C14orf93: variants seen among roughly 807,000 people sequenced by gnomAD.
C14orf93 encodes the protein chromosome 14 open reading frame 93.
C14orf93 carries 23 observed loss-of-function variants against 44.0 expected under a neutral mutation model. That is an observed-to-expected ratio of 0.52 (90% CI 0.38 to 0.74). The LOEUF is 0.74. C14orf93 is among the 30% of genes least tolerant of loss of function. The pLI is 0.00. For missense variants in C14orf93, 579 were observed against 678.9 expected, an observed-to-expected ratio of 0.85 and a Z score of 1.64; for synonymous variants, 253 against 265.7, an observed-to-expected ratio of 0.95 and a Z score of 0.46.
chr14:22,992,951 C>G (rs529368983), intron 3 of C14orf93, among the ~76,000 whole-genome samples: 1 of 152,152 alleles, frequency 6.6e-6, no homozygotes, highest in Non-Finnish European at 1.5e-5. Flanking sequence ...GTGGTCTCAG[C>G]TCACTGCAAC....
chr14:23,009,991 A>T (rs534533882), intron 1 of C14orf93, 110 bp downstream of exon 1: 1 of 152,290 alleles, frequency 6.6e-6, no homozygotes, highest in Admixed American at 6.5e-5. Flanking sequence ...GAAAGAGCAA[A>T]TTCCCCTTAG....
intron 3 of C14orf93, among the ~76,000 whole-genome samples, chr14:22,995,679 CAAAAAAAAAAAA>C (rs58710730): frequency 2.2e-5 from 1 of 45,048 alleles, no homozygotes; most frequent in Non-Finnish European, 4.7e-5. Context: ...GACTCTGACT[CAAAAAAAAAAAA>C]AAAAAAAAAA....
In C14orf93 at chr14:22,996,379, C is replaced by G; in HGVS notation, c.598-111G>C. On this transcript the variant is annotated intron_variant, in intron 2 of 6. Coordinates refer to ENST00000299088, the MANE Select transcript of C14orf93 (RefSeq NM_021944.4). This position sits in a 1 kb window ranked among gnomAD's most constrained non-coding sequence, Gnocchi z 4.1. ...ACAGAAAGTGGAAAGAAGGGGAACTCTAGCACAGTCTTTAATGGTCAATGG... is the reference window on the plus strand; with the variant it reads ...ACAGAAAGTGGAAAGAAGGGGAACTGTAGCACAGTCTTTAATGGTCAATGG... 2.8e-6 allele frequency: 3 copies of G among 1,071,648 alleles called. No homozygotes were observed. The highest frequency in any genetic ancestry group is 3.9e-6 in the Non-Finnish European group (3 of 762,988). The allele number at this position is 1,071,648 out of a possible 1,614,324, so 66.4% of individuals were successfully genotyped here. A position where few individuals can be genotyped will look rare whatever the true frequency, so the allele number is the denominator to read the frequency against.
At position 22,987,787 on chromosome 14, in the gene C14orf93, T is replaced by TATC. The variant is rs148794974; in HGVS notation, c.1197+113_1197+115dup. 1,805 of 1,215,488 alleles carry TATC rather than the reference T, an allele frequency of 1.5e-3. 26 individuals carry two copies. In the African/African-American group the frequency reaches 0.025, roughly 17 times the overall value. The allele number at this position is 1,215,488 out of a possible 1,614,324, so 75.3% of individuals were successfully genotyped here. On this transcript the variant is annotated intron_variant, in intron 6 of 6. Coordinates refer to ENST00000299088, the MANE Select transcript of C14orf93 (RefSeq NM_021944.4). The surrounding 1 kb of genome is among the most constrained non-coding windows in gnomAD (Gnocchi z 5.6). ...TTAGCATTGGCTCACTGTTCTTCTC[T>TATC]ATCTTCCTACATTCCTGGCTCTCAA... is the stretch of plus-strand genomic sequence containing the variant.
chr14:22,987,209 T>C lies in C14orf93; in HGVS notation c.*6A>G. 2 of 1,605,830 alleles carry C rather than the reference T, an allele frequency of 1.2e-6. No homozygotes were observed. The highest frequency in any genetic ancestry group is 1.7e-6 in the Non-Finnish European group (2 of 1,174,742). The stretch of plus-strand genomic sequence containing the variant: ...CGGAAGCCAGAGTTATTCTTGGCTG[T>C]AGATTTTATTCATCCTTTTCCACCT... On this transcript the variant is annotated 3_prime_UTR_variant, in exon 7 of 7. Transcript: ENST00000299088. The surrounding 1 kb of genome is among the most constrained non-coding windows in gnomAD (Gnocchi z 5.6).
chr14:23,003,392 C>T (rs1050404269), intron 1 of C14orf93, among the ~76,000 whole-genome samples: 5 of 152,206 alleles, frequency 3.3e-5, no homozygotes, highest in African/African-American at 9.6e-5. Context: ...AGGTAATAAA[C>T]GAGTATTTCA....
chr14:22,987,468 A>G lies in C14orf93; in HGVS notation c.1364T>C (p.Leu455Pro). Residue 455 changes from leucine to proline, a missense_variant, in exon 7 of 7, where the codon CTC becomes CCC. By Grantham distance (98) the Leu-to-Pro change is moderately conservative. Coordinates refer to ENST00000299088, the MANE Select transcript of C14orf93 (RefSeq NM_021944.4). The surrounding 1 kb of genome is among the most constrained non-coding windows in gnomAD (Gnocchi z 5.6). Reference sequence around the variant, plus strand: ...AGAGTTAGCATCCAGGTGGTAGCAGAGCTCTGTGAGGCGCTGGGCCCGGAA... The same window carrying G: ...AGAGTTAGCATCCAGGTGGTAGCAGGGCTCTGTGAGGCGCTGGGCCCGGAA... ...PRFRAQRLTELCYHLDANSKH... is the reference protein window; with the variant it reads ...PRFRAQRLTEPCYHLDANSKH... 1.2e-6 allele frequency: 2 copies of G among 1,614,222 alleles called. No individual in the cohort carries two copies. Among genetic ancestry groups the G allele is most frequent in the Non-Finnish European group, 1.7e-6 (2 of 1,180,030 alleles).
Position 22,998,906 on chromosome 14 carries a change from G to T in C14orf93, c.118C>A (p.Pro40Thr). 1 of 1,612,852 alleles carries T rather than the reference G, an allele frequency of 6.2e-7. No individual in the cohort carries two copies. Among genetic ancestry groups the T allele is most frequent in the East Asian group, 2.2e-5 (1 of 44,702 alleles). The change falls in exon 2 of 7, where the codon CCT becomes ACT. Residue 40 changes from proline (P) to threonine (T), a missense_variant. Coordinates refer to ENST00000299088, the MANE Select transcript of C14orf93 (RefSeq NM_021944.4). ...ACTGTGATGGGGGTGCTGGGAGGAG[G>T]ATTCCCACCCTGGGAGCCTGTGTTG... ...GGNTGSQGGN[P>T]PPSTPITVTG...
rs76334318 is a variant in C14orf93 at position 23,009,257 on chromosome 14, T to C, written c.-380+844A>G. On this transcript the variant is annotated intron_variant, in intron 1 of 6. Coordinates refer to ENST00000299088, the MANE Select transcript of C14orf93 (RefSeq NM_021944.4). ...AATGCACATAGAAAGTGCCTAAGTA[T>C]GCTAAGCATAGGATTTCTTCTAAGC... Among the ~76,000 whole-genome samples the C allele has an allele frequency of 7.0e-3, 1,068 of 152,328 alleles. 16 individuals carry two copies. Among genetic ancestry groups the C allele is most frequent in the African/African-American group, 0.024 (999 of 41,578 alleles).
intron 2 of C14orf93, among the ~76,000 whole-genome samples, chr14:22,997,565 ATG>A (rs1021610895): frequency 1.3e-5 from 2 of 152,082 alleles, no homozygotes; most frequent in African/African-American, 4.8e-5. Context: ...TCATACTTCC[ATG>A]TGTGACATTC....
chr14:23,009,647 G>T (rs531196080), intron 1 of C14orf93, among the ~76,000 whole-genome samples: 140 of 109,118 alleles, frequency 1.3e-3, no homozygotes, highest in African/African-American at 7.2e-3. Flanking sequence ...CTTGGTTTTG[G>T]TTCTGGGGGG....
chr14:23,004,734 C>T (rs1473846116), intron 1 of C14orf93, among the ~76,000 whole-genome samples: 6 of 151,960 alleles, frequency 3.9e-5, no homozygotes, highest in African/African-American at 1.5e-4. Flanking sequence ...GCCTGACCAA[C>T]ATGGAGAAAC....
At chr14:23,009,619 A>C (rs1387950798) in intron 1 of C14orf93, among the ~76,000 whole-genome samples, 1 of 149,870 alleles carries the variant, frequency 6.7e-6, no homozygotes, top group African/African-American at 2.5e-5. Context: ...GCCTTGGACA[A>C]GTGCCACATC....
intron 1 of C14orf93, among the ~76,000 whole-genome samples, chr14:23,004,297 G>A (rs2046517613): frequency 6.6e-6 from 1 of 150,602 alleles, no homozygotes; most frequent in Non-Finnish European, 1.5e-5. Context: ...TGCAACTTCT[G>A]CCTCCCAGGT....
intron 4 of C14orf93, 39 bp downstream of exon 4, chr14:22,990,027 A>C (rs769529479): frequency 1.9e-6 from 3 of 1,575,750 alleles, no homozygotes; most frequent in Non-Finnish European, 2.6e-6. Context: ...TGTCCTTAGC[A>C]AAGTACCTTC....
chr14:23,001,890 T>A (rs558410584), intron 1 of C14orf93, among the ~76,000 whole-genome samples: 1 of 137,062 alleles, frequency 7.3e-6, no homozygotes, highest in Non-Finnish European at 1.5e-5. Flanking sequence ...GGCTCACGCC[T>A]GTAATCCCAG....
intron 4 of C14orf93, 22 bp downstream of exon 4, chr14:22,990,044 T>C: frequency 1.3e-6 from 2 of 1,599,828 alleles, no homozygotes; most frequent in Non-Finnish European, 1.7e-6. Flanking sequence ...CTTCTAATTC[T>C]TTTTCCTCAA....
At position 22,996,236 on chromosome 14, in the gene C14orf93, T is replaced by C; in HGVS notation, c.630A>G (p.Ala210=). The change falls in exon 3 of 7, where the codon GCA becomes GCG. Residue 210 remains alanine, a synonymous_variant. Coordinates refer to ENST00000299088, the MANE Select transcript of C14orf93 (RefSeq NM_021944.4). This position sits in a 1 kb window ranked among gnomAD's most constrained non-coding sequence, Gnocchi z 4.1. ...AAGCAGGGACCAGAACTCGCTGTAC[T>C]GCACCCTCAGAGGCCACGTAATCAT... ...LVDDYVASEG[A]VQRVLVPAYA... 1 of 1,581,788 alleles carries C rather than the reference T, an allele frequency of 6.3e-7. No individual in the cohort carries two copies. Among genetic ancestry groups the C allele is most frequent in the Non-Finnish European group, 8.6e-7 (1 of 1,159,540 alleles).
chr14:23,003,099 T>C (rs184525222), intron 1 of C14orf93, among the ~76,000 whole-genome samples: 3 of 152,358 alleles, frequency 2.0e-5, no homozygotes, highest in South Asian at 4.1e-4. Context: ...GCTAAATGTA[T>C]TTTCCTATTG....
Sources: allele counts gnomAD v4.1 joint callset (sites outside exome capture counted in the v4.1 genomes callset), GRCh38; gene constraint gnomAD v4.1.1; non-coding constraint Gnocchi (gnomAD v3.1); transcripts MANE v1.5; gene names NCBI Gene and HGNC (gene_info 2026-07-23, HGNC 2026-07-21).